Variants in SAXO5 observed in about 807,000 individuals in gnomAD.
SAXO5 encodes the protein testis expressed 45.
chr19:7,505,909 C>A, the SAXO5 span: 1 of 1,505,432 alleles, frequency 6.6e-7, no homozygotes, highest in Non-Finnish European at 9.0e-7. Flanking sequence ...CCCTCCCCCC[C>A]GGGCCCGGGG....
At chr19:7,506,402 A>C in the SAXO5 span, 2 of 532,516 alleles carry the variant, frequency 3.8e-6, no homozygotes, top group East Asian at 3.7e-5. Context: ...AATTGACCAG[A>C]ACCCCAACTC....
the SAXO5 span, chr19:7,500,972 G>A: frequency 6.4e-7 from 1 of 1,552,340 alleles, no homozygotes; most frequent in Non-Finnish European, 8.6e-7. Flanking sequence ...TTGCCTACCC[G>A]GCTGCCACCC....
chr19:7,505,688 G>A, the SAXO5 span: 20 of 1,500,154 alleles, frequency 1.3e-5, no homozygotes, highest in African/African-American at 1.7e-4. Context: ...CAAATAGCAG[G>A]TGCAGAAGTC....
chr19:7,498,393 CT>C, the SAXO5 span, among the ~76,000 whole-genome samples: 4,038 of 115,352 alleles, frequency 0.035, 76 homozygotes, highest in Middle Eastern at 0.078. Context: ...GTATTTTTTT[CT>C]TTTTTTTTTT....
At chr19:7,506,565 C>G in the SAXO5 span, 22 of 362,314 alleles carry the variant, frequency 6.1e-5, no homozygotes, top group African/African-American at 4.6e-4. Flanking sequence ...GACCCGCTAG[C>G]CTGCCCTGCC....
the SAXO5 span, among the ~76,000 whole-genome samples, chr19:7,507,796 G>T: frequency 6.6e-6 from 1 of 152,052 alleles, no homozygotes; most frequent in East Asian, 1.9e-4. Flanking sequence ...GCCCAGCCTG[G>T]GGCCCTTTTT....
chr19:7,498,401 T>TC, the SAXO5 span, among the ~76,000 whole-genome samples: 12 of 146,636 alleles, frequency 8.2e-5, no homozygotes, highest in Non-Finnish European at 1.7e-4. Context: ...TTCTTTTTTT[T>TC]TTTTTTTTTT....
the SAXO5 span, chr19:7,500,997 C>T: frequency 1.3e-6 from 2 of 1,532,732 alleles, no homozygotes; most frequent in African/African-American, 1.4e-5. Flanking sequence ...GCCGCCGAGC[C>T]TGCAGCCGCC....
the SAXO5 span, chr19:7,508,291 A>G: frequency 9.6e-5 from 155 of 1,614,066 alleles, no homozygotes; most frequent in East Asian, 2.5e-3. Flanking sequence ...TTCAAGTACC[A>G]GGGCCCAGCA....
chr19:7,501,361 A>G, the SAXO5 span: 1 of 1,523,052 alleles, frequency 6.6e-7, no homozygotes. Flanking sequence ...CCACCCCACG[A>G]CGCGCGCCCG....
chr19:7,500,218 C>T, the SAXO5 span, among the ~76,000 whole-genome samples: 1 of 152,162 alleles, frequency 6.6e-6, no homozygotes, highest in African/African-American at 2.4e-5. Flanking sequence ...CCCACCCCTG[C>T]TGGCCTCCAG....
At chr19:7,505,411 C>T in the SAXO5 span, 6 of 1,614,118 alleles carry the variant, frequency 3.7e-6, no homozygotes, top group African/African-American at 5.3e-5. Flanking sequence ...CCACCAAGGC[C>T]GAGCACTTCT....
the SAXO5 span, among the ~76,000 whole-genome samples, chr19:7,507,614 A>T: frequency 2.6e-5 from 4 of 151,518 alleles, no homozygotes; most frequent in African/African-American, 9.7e-5. Flanking sequence ...GGTCATCTCT[A>T]GCTCACCCCC....
chr19:7,506,487 GC>G, the SAXO5 span: 9 of 425,772 alleles, frequency 2.1e-5, no homozygotes, highest in South Asian at 1.8e-4. Flanking sequence ...ACACGGCCCT[GC>G]CCCTTCTCCA....
chr19:7,503,971 G>T, the SAXO5 span: 4 of 562,986 alleles, frequency 7.1e-6, no homozygotes, highest in South Asian at 2.7e-5. Flanking sequence ...TTTATCTTTT[G>T]GTGTTTGCCA....
chr19:7,507,060 C>T, the SAXO5 span: 1 of 1,613,934 alleles, frequency 6.2e-7, no homozygotes, highest in South Asian at 1.1e-5. Flanking sequence ...CTCCAGAATT[C>T]GATTTTTTAA....
At chr19:7,500,938 T>G in the SAXO5 span, 1 of 1,581,636 alleles carries the variant, frequency 6.3e-7, no homozygotes, top group Non-Finnish European at 8.5e-7. Context: ...GAGGGCACCA[T>G]GCGCACCACG....
chr19:7,504,030 G>T, the SAXO5 span: 1 of 917,970 alleles, frequency 1.1e-6, no homozygotes, highest in Non-Finnish European at 1.7e-6. Context: ...CCCCTTCCCA[G>T]GCAAGAAATA....
the SAXO5 span, chr19:7,501,443 T>A: frequency 7.0e-7 from 1 of 1,435,664 alleles, no homozygotes; most frequent in Non-Finnish European, 9.1e-7. Context: ...CTTCACATTG[T>A]GGTTCTCAAA....
Sources: gnomAD v4.1 joint callset for allele counts (sites outside exome capture counted in the v4.1 genomes callset) on GRCh38, gnomAD v4.1.1 for gene constraint, MANE v1.5 for transcripts, NCBI Gene and HGNC (gene_info 2026-07-23, HGNC 2026-07-21) for gene names.